Variants in ZNF527 observed in about 807,000 individuals in gnomAD.
ZNF527 encodes zinc finger protein 527.
A neutral mutation model predicts 13.5 loss-of-function variants in ZNF527; 5 were observed. That is an observed-to-expected ratio of 0.37 (90% CI 0.19 to 0.78). ZNF527 has a LOEUF of 0.78. Ranked by LOEUF, ZNF527 falls within the 30% of genes least tolerant of loss-of-function variation. The probability of loss-of-function intolerance (pLI) is 0.48; values close to 1 mark genes in which losing one functional copy is unlikely to be tolerated. For synonymous variants in ZNF527, 209 were observed against 243.1 expected (o/e 0.86, Z 1.30); for missense variants, 628 against 726.4 (o/e 0.86, Z 1.56).
In ZNF527 at chr19:37,389,518, G is replaced by C; in HGVS notation, c.1469G>C (p.Arg490Thr). Reference protein sequence around the residue: ...RTDSQLNRHHRIHTGERPFEC... With the variant: ...RTDSQLNRHHTIHTGERPFEC... Reference sequence around the variant, plus strand: ...GACTCACAACTTAATCGACATCATAGAATTCACACTGGAGAGAGACCATTT... The same window carrying C: ...GACTCACAACTTAATCGACATCATACAATTCACACTGGAGAGAGACCATTT... Residue 490 changes from arginine (R) to threonine (T), a missense_variant, in exon 5 of 5, where the codon AGA (arginine) becomes ACA (threonine). By Grantham distance (71) the Arg-to-Thr change is moderately conservative. This residue lies in a region of ZNF527 where 592 missense variants were observed against 678.0 expected (regional missense o/e 0.87). Coordinates refer to ENST00000436120, the MANE Select transcript of ZNF527 (RefSeq NM_032453.2). The C allele has an allele frequency of 6.2e-7, 1 of 1,614,162 alleles. No individual in the cohort carries two copies.
intron 2 of ZNF527, among the ~76,000 whole-genome samples, chr19:37,376,682 C>CAAAAAAA (rs35179002): frequency 6.2e-5 from 3 of 48,524 alleles, no homozygotes; most frequent in African/African-American, 1.7e-4. Context: ...ACTCCATCTC[C>CAAAAAAA]AAAAAAAAAA....
intron 4 of ZNF527, among the ~76,000 whole-genome samples, chr19:37,384,297 G>A (rs1225029780): frequency 6.6e-6 from 1 of 152,052 alleles, no homozygotes; most frequent in Non-Finnish European, 1.5e-5. Context: ...CAGCTTGGGC[G>A]ACAGAGCAAG....
chr19:37,384,410 G>A (rs1201730044), intron 4 of ZNF527, among the ~76,000 whole-genome samples: 1 of 151,988 alleles, frequency 6.6e-6, no homozygotes, highest in Non-Finnish European at 1.5e-5. Context: ...AGGTAGGAGG[G>A]TCACTTAAGC....
rs2891700 is a variant in ZNF527, at chr19:37,388,952, A to G, written c.903A>G (p.Pro301=). The change falls in exon 5 of 5, where the codon CCA becomes CCG. Residue 301 remains proline (P), a synonymous_variant. Transcript: ENST00000436120. ...QPQRIHSGEK[P]YACNDCGKAF... is the part of the protein sequence containing the mutation. ...AGAGAATTCACAGTGGAGAAAAACC[A>G]TATGCATGCAATGACTGTGGAAAAG... 7.4e-6 allele frequency: 12 copies of G among 1,614,020 alleles called. No individual in the cohort carries two copies. In the Admixed American group the frequency reaches 2.0e-4, roughly 27 times the overall value.
chr19:37,379,347 C>G, intron 3 of ZNF527, 101 bp downstream of exon 3: 1 of 1,158,914 alleles, frequency 8.6e-7, no homozygotes, highest in Non-Finnish European at 1.2e-6. Context: ...CTTAAAAGCA[C>G]TTACTTGCCT....
At chr19:37,375,298 CTTTCTTTCTTTCT>C (rs1245241501) in intron 2 of ZNF527, among the ~76,000 whole-genome samples, 46 of 103,814 alleles carry the variant, frequency 4.4e-4, no homozygotes, top group African/African-American at 1.6e-3. Context: ...TTCTTTCTTT[CTTTCTTTCTTTCT>C]TTTCTTTCTT....
intron 2 of ZNF527, among the ~76,000 whole-genome samples, chr19:37,377,853 A>G (rs550328897): frequency 2.0e-5 from 3 of 152,128 alleles, no homozygotes; most frequent in South Asian, 2.1e-4. Flanking sequence ...GCTGAACCCA[A>G]CAGAATATGG....
At position 37,389,455 on chromosome 19, in the gene ZNF527, C is replaced by T. The variant is rs1370882242; in HGVS notation, c.1406C>T (p.Pro469Leu). The change falls in exon 5 of 5, where the codon CCC (proline) becomes CTC (leucine). Residue 469 changes from proline to leucine, a missense_variant. Transcript: ENST00000436120. ...QHQRIHTGEK[P>L]YECIKCGKFF... Reference sequence around the variant, plus strand: ...CAGAGAATTCATACCGGAGAAAAGCCCTATGAATGCATCAAATGTGGGAAG... The same window carrying T: ...CAGAGAATTCATACCGGAGAAAAGCTCTATGAATGCATCAAATGTGGGAAG... The T allele has an allele frequency of 3.1e-6, 5 of 1,613,878 alleles. No homozygotes were observed.
At chr19:37,375,260 T>G (rs1218519715) in intron 2 of ZNF527, among the ~76,000 whole-genome samples, 2 of 116,958 alleles carry the variant, frequency 1.7e-5, no homozygotes, top group African/African-American at 3.6e-5. Context: ...CTTTCTTTCT[T>G]TCTTTCTTTC....
rs372447412 is a variant in ZNF527 at position 37,389,444 on chromosome 19, C to T, written c.1395C>T (p.Thr465=). ...TGAATCAACATCAGAGAATTCATAC[C>T]GGAGAAAAGCCCTATGAATGCATCA... is the stretch of plus-strand genomic sequence containing the variant. ...SHLNQHQRIH[T]GEKPYECIKC... is the part of the protein sequence containing the mutation. Residue 465 remains threonine (T), a synonymous_variant, in exon 5 of 5, where the codon ACC becomes ACT. Coordinates refer to ENST00000436120, the MANE Select transcript of ZNF527 (RefSeq NM_032453.2). The T allele has an allele frequency of 1.1e-4, 182 of 1,612,262 alleles. 1 individual carries two copies. In the African/African-American group the frequency reaches 1.7e-3, roughly 15 times the overall value.
chr19:37,386,869 G>C (rs1364057282), intron 4 of ZNF527, among the ~76,000 whole-genome samples: 4 of 152,236 alleles, frequency 2.6e-5, no homozygotes, highest in African/African-American at 9.6e-5. Flanking sequence ...CAAGAGATGA[G>C]ATCCAGGCAA....
At position 37,391,504 on chromosome 19, in the gene ZNF527, G is replaced by A. The variant is rs1490791411; in HGVS notation, c.*1625G>A. On this transcript the variant is annotated 3_prime_UTR_variant, in exon 5 of 5. Transcript: ENST00000436120. Reference sequence around the variant, plus strand: ...GAATCACTTGAACCTGGGAAGTGGAGGTTACAGTGAGCGAAGATCGCGCCA... The same window carrying A: ...GAATCACTTGAACCTGGGAAGTGGAAGTTACAGTGAGCGAAGATCGCGCCA... The A allele has an allele frequency of 6.6e-6, 1 of 151,876 alleles. No individual in the cohort carries two copies. The highest frequency in any genetic ancestry group is 1.5e-5 in the Non-Finnish European group (1 of 68,002). The allele number at this position is 151,876 out of a possible 1,614,324, so 9.4% of individuals were successfully genotyped here. A position where few individuals can be genotyped will look rare whatever the true frequency, so the allele number is the denominator to read the frequency against.
intron 1 of ZNF527, among the ~76,000 whole-genome samples, chr19:37,371,670 G>T (rs1304631441): frequency 6.6e-6 from 1 of 152,192 alleles, no homozygotes; most frequent in East Asian, 1.9e-4. Flanking sequence ...GTCTCCGCAG[G>T]TATAGTTTTG....
At chr19:37,374,092 G>A (rs2040580513) in intron 1 of ZNF527, 66 bp from the exon 2 acceptor site, 2 of 1,062,946 alleles carry the variant, frequency 1.9e-6, no homozygotes, top group South Asian at 1.3e-5. Context: ...TAGTATTTTT[G>A]TGGGTCTTGG....
Position 37,389,914 on chromosome 19 carries a change from C to T in ZNF527, c.*35C>T. Reference sequence around the variant, plus strand: ...GTATAGGAAAGAAAACATGTGGTTACCACTCAATCCTTATTAAATATTAGT... The same window carrying T: ...GTATAGGAAAGAAAACATGTGGTTATCACTCAATCCTTATTAAATATTAGT... On this transcript the variant is annotated 3_prime_UTR_variant, in exon 5 of 5. Coordinates refer to ENST00000436120, the MANE Select transcript of ZNF527 (RefSeq NM_032453.2). 6.6e-7 allele frequency: 1 copy of T among 1,522,838 alleles called. No individual in the cohort carries two copies. Among genetic ancestry groups the T allele is most frequent in the Non-Finnish European group, 8.7e-7 (1 of 1,144,312 alleles). 94.3% of individuals were successfully genotyped at this position (1,522,838 alleles called of 1,614,324 possible).
chr19:37,385,564 T>C, intron 4 of ZNF527: 1 of 383,946 alleles, frequency 2.6e-6, no homozygotes, highest in Non-Finnish European at 4.6e-6. Flanking sequence ...TCTTTTATAT[T>C]ATTGATTACT....
intron 4 of ZNF527, among the ~76,000 whole-genome samples, chr19:37,386,137 TTCC>T (rs1452464266): frequency 7.4e-5 from 10 of 135,482 alleles, no homozygotes; most frequent in East Asian, 6.2e-4. Flanking sequence ...TTCTCTTCTT[TTCC>T]TTTTTTTTTT....
intron 4 of ZNF527, 88 bp from the exon 5 acceptor site, chr19:37,388,218 C>A: frequency 6.8e-7 from 1 of 1,462,748 alleles, no homozygotes; most frequent in East Asian, 2.3e-5. Flanking sequence ...TCCTTCCCCC[C>A]AGTTAAATTC....
chr19:37,374,142 A>G lies in ZNF527; in HGVS notation c.-41-16A>G. On this transcript the variant is annotated splice_polypyrimidine_tract_variant and intron_variant, in intron 1 of 4. Transcript: ENST00000436120. Reference sequence around the variant, plus strand: ...GCTGGCACATCATCATTTCTTCATTAACTCTCCCTTCTCAGGACTTTGTTC... The same window carrying G: ...GCTGGCACATCATCATTTCTTCATTGACTCTCCCTTCTCAGGACTTTGTTC... 1 of 1,553,864 alleles carries G rather than the reference A, an allele frequency of 6.4e-7. No homozygotes were observed. Among genetic ancestry groups the G allele is most frequent in the South Asian group, 1.1e-5 (1 of 89,818 alleles).
Sources: allele counts gnomAD v4.1 joint callset (sites outside exome capture counted in the v4.1 genomes callset), GRCh38; gene constraint gnomAD v4.1.1; regional missense constraint gnomAD v4.1.1; transcripts MANE v1.5; gene names NCBI Gene and HGNC (gene_info 2026-07-23, HGNC 2026-07-21).